Variants in SNX13 observed in about 807,000 individuals in gnomAD.
SNX13 encodes the protein sorting nexin 13, also known as sorting nexin-13.
In SNX13, 45 loss-of-function variants were observed where a neutral mutation model predicts 133.6. The observed-to-expected ratio is 0.34, with a 90% confidence interval of 0.27 to 0.43. SNX13 has a LOEUF of 0.43. SNX13 is among the 20% of genes least tolerant of loss of function. The pLI is 1.00. For synonymous variants in SNX13, 414 were observed against 373.9 expected, an observed-to-expected ratio of 1.11 and a Z score of -1.24; for missense variants, 1,032 against 1,145.1, an observed-to-expected ratio of 0.90 and a Z score of 1.43.
chr7:17,908,690 T>C (rs554575041), intron 1 of SNX13, among the ~76,000 whole-genome samples: 17 of 152,194 alleles, frequency 1.1e-4, no homozygotes, highest in Non-Finnish European at 2.2e-4. Context: ...CCTAGGATAG[T>C]AAGGTTCTGC....
chr7:17,908,606 A>G (rs1461181949), intron 1 of SNX13, among the ~76,000 whole-genome samples: 1 of 152,224 alleles, frequency 6.6e-6, no homozygotes, highest in East Asian at 1.9e-4. Flanking sequence ...ATAGTTATTT[A>G]TGCATATTTG....
intron 9 of SNX13, among the ~76,000 whole-genome samples, chr7:17,861,596 T>C (rs1207809616): frequency 6.6e-6 from 1 of 152,056 alleles, no homozygotes; most frequent in African/African-American, 2.4e-5. Flanking sequence ...AGAGACAAAA[T>C]GACAGAGTAT....
chr7:17,823,249 T>C (rs1024406227), intron 17 of SNX13, among the ~76,000 whole-genome samples: 2 of 152,212 alleles, frequency 1.3e-5, no homozygotes, highest in African/African-American at 2.4e-5. Flanking sequence ...ATATTGTTTT[T>C]AGCCTTTCTA....
chr7:17,896,790 T>G (rs952653828), intron 2 of SNX13, among the ~76,000 whole-genome samples: 3 of 152,254 alleles, frequency 2.0e-5, no homozygotes, highest in African/African-American at 7.2e-5. Context: ...AAATTATGAC[T>G]GAAACCTCTC....
At chr7:17,855,972 T>C (rs1381799194) in intron 9 of SNX13, among the ~76,000 whole-genome samples, 3 of 152,248 alleles carry the variant, frequency 2.0e-5, no homozygotes, top group Admixed American at 1.3e-4. Flanking sequence ...TGAATATTCA[T>C]GATTCATGGG....
At position 17,812,755 on chromosome 7, in the gene SNX13, T is replaced by C. The variant is rs764660205; in HGVS notation, c.2064+2079A>G. Among the ~76,000 whole-genome samples, 19 of 152,140 alleles carry C rather than the reference T, an allele frequency of 1.2e-4. No homozygotes were observed. In the East Asian group the frequency reaches 1.3e-3, roughly 11 times the overall value. ...GACTTGGAACCAACTCAAATGCCCATTGATGATAGACTGGATAAAGGAAAT... is the reference window on the plus strand; with the variant it reads ...GACTTGGAACCAACTCAAATGCCCACTGATGATAGACTGGATAAAGGAAAT... On this transcript the variant is annotated intron_variant, in intron 20 of 25. Coordinates refer to ENST00000428135, the MANE Select transcript of SNX13 (RefSeq NM_015132.5).
At chr7:17,855,803 A>T (rs1791808028) in intron 9 of SNX13, among the ~76,000 whole-genome samples, 1 of 152,268 alleles carries the variant, frequency 6.6e-6, no homozygotes, top group Non-Finnish European at 1.5e-5. Context: ...GTGCAGCCCA[A>T]GAATCAAGGA....
intron 13 of SNX13, among the ~76,000 whole-genome samples, chr7:17,835,325 ATTTATTATTTG>A (rs1324411290): frequency 6.6e-6 from 1 of 151,904 alleles, no homozygotes; most frequent in Non-Finnish European, 1.5e-5. Context: ...AAGCCATTTC[ATTTATTATTTG>A]ACCCTAGAGA....
At chr7:17,813,828 C>A (rs1002691334) in intron 20 of SNX13, among the ~76,000 whole-genome samples, 1 of 152,066 alleles carries the variant, frequency 6.6e-6, no homozygotes, top group Non-Finnish European at 1.5e-5. Flanking sequence ...CCAAGCAATC[C>A]ACCCACCTCA....
intron 1 of SNX13, among the ~76,000 whole-genome samples, chr7:17,933,212 T>C (rs1049812169): frequency 1.3e-5 from 2 of 152,206 alleles, no homozygotes; most frequent in Admixed American, 6.5e-5. Flanking sequence ...CTGGTAACCC[T>C]CAAATAAATC....
At chr7:17,867,885 G>A (rs1793594488) in intron 9 of SNX13, among the ~76,000 whole-genome samples, 2 of 152,024 alleles carry the variant, frequency 1.3e-5, no homozygotes, top group Non-Finnish European at 2.9e-5. Flanking sequence ...AAAAAATAGG[G>A]CTTGTGGACT....
intron 17 of SNX13, among the ~76,000 whole-genome samples, chr7:17,825,000 C>A (rs1291829817): frequency 6.6e-6 from 1 of 152,018 alleles, no homozygotes. Context: ...AATATCTTGA[C>A]CTCGTGATCC....
chr7:17,901,550 G>A (rs376239352), intron 1 of SNX13, among the ~76,000 whole-genome samples: 1 of 152,114 alleles, frequency 6.6e-6, no homozygotes. Context: ...GCTCTGGCTG[G>A]GTTCTGCCCA....
At chr7:17,808,399 T>C (rs1347820317) in intron 20 of SNX13, among the ~76,000 whole-genome samples, 1 of 151,818 alleles carries the variant, frequency 6.6e-6, no homozygotes, top group Non-Finnish European at 1.5e-5. Context: ...AAGACAAGAT[T>C]AGAGAAAAAA....
At chr7:17,928,618 A>G (rs1160450227) in intron 1 of SNX13, among the ~76,000 whole-genome samples, 1 of 152,170 alleles carries the variant, frequency 6.6e-6, no homozygotes, top group Non-Finnish European at 1.5e-5. Context: ...ACTTAGATTC[A>G]AAAAATTCAA....
chr7:17,799,174 A>ATT lies in SNX13; in HGVS notation c.2299-21_2299-20insAA, dbSNP rs774755003. 2 of 1,578,694 alleles carry ATT rather than the reference A, an allele frequency of 1.3e-6. No homozygotes were observed. The highest frequency in any genetic ancestry group is 1.7e-6 in the Non-Finnish European group (2 of 1,164,314). ...ATCCACCTGACAAAATATAAGAAAT[A>ATT]AGAATAAGTTTGAGTTAGCTATCTA... On this transcript the variant is annotated intron_variant, in intron 22 of 25. Coordinates refer to ENST00000428135, the MANE Select transcript of SNX13 (RefSeq NM_015132.5).
At chr7:17,921,191 T>TC in intron 1 of SNX13, among the ~76,000 whole-genome samples, 1 of 152,108 alleles carries the variant, frequency 6.6e-6, no homozygotes. Context: ...CTGGACTGAC[T>TC]CCTAAGAACT....
At chr7:17,927,108 A>G (rs2128042809) in intron 1 of SNX13, among the ~76,000 whole-genome samples, 1 of 151,958 alleles carries the variant, frequency 6.6e-6, no homozygotes, top group Non-Finnish European at 1.5e-5. Flanking sequence ...GCTAAACAAG[A>G]TTAAAAAATA....
At chr7:17,844,909 G>A (rs1350021019) in intron 12 of SNX13, among the ~76,000 whole-genome samples, 1 of 151,964 alleles carries the variant, frequency 6.6e-6, no homozygotes, top group Non-Finnish European at 1.5e-5. Context: ...AATAAAAGCT[G>A]TATCTGAAAA....
Sources: gnomAD v4.1 joint callset for allele counts (sites outside exome capture counted in the v4.1 genomes callset) on GRCh38, gnomAD v4.1.1 for gene constraint, MANE v1.5 for transcripts, NCBI Gene and HGNC (gene_info 2026-07-23, HGNC 2026-07-21) for gene names.